The following COL11A1 variants were observed in gnomAD, a reference collection of about 807,000 sequenced individuals.
COL11A1 encodes the protein collagen alpha-1(XI) chain.
In COL11A1, 74 loss-of-function variants were observed where a neutral mutation model predicts 265.2. The observed-to-expected ratio is 0.28, with a 90% CI of 0.23 to 0.34. The LOEUF is 0.34. Among genes scored for constraint, COL11A1 ranks in the 10% least tolerant of loss-of-function variants. The pLI is 1.00. For synonymous variants in COL11A1, 816 were observed against 727.6 expected, an observed-to-expected ratio of 1.12 and a Z score of -1.96; for missense variants, 2,165 against 2,263.6, an observed-to-expected ratio of 0.96 and a Z score of 0.88.
chr1:103,076,531 C>CT (rs1671988340), intron 3 of COL11A1, among the ~76,000 whole-genome samples: 1 of 152,094 alleles, frequency 6.6e-6, no homozygotes, highest in South Asian at 2.1e-4. Context: ...AAGGCTGCCT[C>CT]TTTTTTGCCC....
chr1:103,019,510 C>G (rs951881522), intron 9 of COL11A1, among the ~76,000 whole-genome samples: 1 of 152,042 alleles, frequency 6.6e-6, no homozygotes. Context: ...ATTTTCAACA[C>G]TTTTTGTGAG....
At chr1:102,933,195 G>C (rs900207917) in intron 46 of COL11A1, among the ~76,000 whole-genome samples, 7 of 144,262 alleles carry the variant, frequency 4.9e-5, no homozygotes, top group Non-Finnish European at 9.1e-5. Context: ...CAGTTTTTCT[G>C]TTCTGTTTTT....
At chr1:102,997,563 C>T (rs1007108345) in intron 25 of COL11A1, among the ~76,000 whole-genome samples, 3 of 151,792 alleles carry the variant, frequency 2.0e-5, no homozygotes, top group African/African-American at 7.3e-5. Context: ...ATCATAAATG[C>T]TAACAGTGTT....
At chr1:102,995,761 G>T in intron 28 of COL11A1, 103 bp downstream of exon 28, 6 of 928,924 alleles carry the variant, frequency 6.5e-6, no homozygotes, top group Non-Finnish European at 1.1e-5. Context: ...TGCGTAGTAT[G>T]TAGTAATCAC....
intron 46 of COL11A1, among the ~76,000 whole-genome samples, chr1:102,933,927 A>G (rs1269197764): frequency 1.3e-5 from 2 of 152,198 alleles, no homozygotes; most frequent in Admixed American, 1.3e-4. Flanking sequence ...CAAGTGAGGC[A>G]ATGCCTGGCC....
At chr1:102,926,892 C>T (rs534459542) in intron 46 of COL11A1, among the ~76,000 whole-genome samples, 5 of 152,114 alleles carry the variant, frequency 3.3e-5, no homozygotes, top group African/African-American at 9.6e-5. Context: ...TGACTGTTTA[C>T]GTATAATTGT....
intron 1 of COL11A1, among the ~76,000 whole-genome samples, chr1:103,084,254 C>T (rs955952231): frequency 1.3e-5 from 2 of 152,096 alleles, no homozygotes; most frequent in Admixed American, 1.3e-4. Context: ...CTCCTTCAAC[C>T]TCCTACCCCC....
intron 4 of COL11A1, among the ~76,000 whole-genome samples, chr1:103,031,459 T>A (rs576280358): frequency 6.6e-6 from 1 of 152,286 alleles, no homozygotes; most frequent in African/African-American, 2.4e-5. Context: ...TTCTATGTTA[T>A]CTTCTGGCTC....
chr1:103,022,635 A>T (rs1289531125), intron 8 of COL11A1, 107 bp downstream of exon 8: 2 of 1,395,158 alleles, frequency 1.4e-6, no homozygotes, highest in African/African-American at 2.9e-5. Context: ...AATTTACATA[A>T]AAATTCAACC....
intron 65 of COL11A1, among the ~76,000 whole-genome samples, chr1:102,881,238 G>A (rs1373316045): frequency 6.6e-6 from 1 of 151,878 alleles, no homozygotes; most frequent in African/African-American, 2.4e-5. Context: ...AAATGAACTG[G>A]TAATTGTATG....
chr1:103,006,242 A>G lies in COL11A1; in HGVS notation c.1737+20T>C. The G allele has an allele frequency of 6.2e-7, 1 of 1,600,654 alleles. No homozygotes were observed. Among genetic ancestry groups the G allele is most frequent in the East Asian group, 2.3e-5 (1 of 43,874 alleles). ...ATCATGGCAGATGCCTTCAAAATGCACAATGAAAATAAGCCATACCCTTTT... is the reference window on the plus strand; with the variant it reads ...ATCATGGCAGATGCCTTCAAAATGCGCAATGAAAATAAGCCATACCCTTTT... On this transcript the variant is annotated intron_variant, in intron 16 of 66. Coordinates refer to ENST00000370096, the MANE Select transcript of COL11A1 (RefSeq NM_001854.4).
At chr1:103,035,661 T>C (rs1163200928) in intron 4 of COL11A1, among the ~76,000 whole-genome samples, 4 of 152,066 alleles carry the variant, frequency 2.6e-5, no homozygotes, top group Non-Finnish European at 5.9e-5. Context: ...CTTCTTTAAT[T>C]TATGATGAAG....
chr1:102,931,511 A>C (rs1316189872), intron 46 of COL11A1, among the ~76,000 whole-genome samples: 14 of 152,152 alleles, frequency 9.2e-5, no homozygotes, highest in Admixed American at 9.2e-4. Context: ...CTTTACTTCC[A>C]AGTATGTGGT....
At chr1:103,097,464 G>A (rs1673869140) in intron 1 of COL11A1, among the ~76,000 whole-genome samples, 1 of 151,236 alleles carries the variant, frequency 6.6e-6, no homozygotes, top group Non-Finnish European at 1.5e-5. Context: ...ACTTTCTCAG[G>A]GAAGTTTTCT....
chr1:102,895,956 T>A (rs1463038), intron 57 of COL11A1, among the ~76,000 whole-genome samples: 13,303 of 151,838 alleles, frequency 0.088, 685 homozygotes, highest in Middle Eastern at 0.16. Context: ...CAAATTTAGT[T>A]ACTTTCCACT....
intron 44 of COL11A1, among the ~76,000 whole-genome samples, chr1:102,938,451 T>C (rs1658378283): frequency 6.6e-6 from 1 of 152,008 alleles, no homozygotes; most frequent in African/African-American, 2.4e-5. Context: ...TATAAATTAG[T>C]AAGGAAGTGC....
chr1:102,914,529 G>T, intron 51 of COL11A1, 124 bp from the exon 52 acceptor site: 3 of 1,082,356 alleles, frequency 2.8e-6, no homozygotes, highest in Non-Finnish European at 4.0e-6. Context: ...CTCTTCTCCC[G>T]CCAAAAAATT....
chr1:103,015,562 G>T lies in COL11A1; in HGVS notation c.1488+106C>A, dbSNP rs948017390. The T allele has an allele frequency of 2.0e-5, 17 of 871,490 alleles. No individual in the cohort carries two copies. In the African/African-American group the frequency reaches 2.7e-4, roughly 14 times the overall value. The allele number at this position is 871,490 out of a possible 1,614,324, so 54.0% of individuals were successfully genotyped here. On this transcript the variant is annotated intron_variant, in intron 12 of 66. Transcript: ENST00000370096. ...GCTTAATTTCAAGTATTTCTACCTT[G>T]TACAATGGTTTTTAGTTGATTGCTC...
chr1:102,888,486 T>C lies in COL11A1; in HGVS notation c.4608+91A>G. 4.1e-6 allele frequency: 5 copies of C among 1,227,416 alleles called. No individual in the cohort carries two copies. The South Asian group carries it at 4.9e-5, about 12-fold the overall frequency. The allele number at this position is 1,227,416 out of a possible 1,614,324, so 76.0% of individuals were successfully genotyped here. On this transcript the variant is annotated intron_variant, in intron 62 of 66. Transcript: ENST00000370096. ...TAAAATCAGCACTTTTGGCAGAATGTGCTTTTTGTCTATCTTATAAGTTCA... is the reference window on the plus strand; with the variant it reads ...TAAAATCAGCACTTTTGGCAGAATGCGCTTTTTGTCTATCTTATAAGTTCA...
Sources: allele counts gnomAD v4.1 joint callset (sites outside exome capture counted in the v4.1 genomes callset), GRCh38; gene constraint gnomAD v4.1.1; transcripts MANE v1.5; gene names NCBI Gene and HGNC (gene_info 2026-07-23, HGNC 2026-07-21).